SMARCD1: variants seen among roughly 807,000 people sequenced by gnomAD.
SMARCD1 encodes SWI/SNF-related matrix-associated actin-dependent regulator of chromatin subfamily D member 1.
SMARCD1 carries 16 observed loss-of-function variants against 70.8 expected under a neutral mutation model. The observed-to-expected ratio is 0.23, with a 90% CI of 0.15 to 0.34. SMARCD1 has a LOEUF of 0.34. SMARCD1 is among the 10% of genes least tolerant of loss of function. The pLI is 1.00. For synonymous variants in SMARCD1, 249 were observed against 246.0 expected (o/e 1.01, Z -0.11); for missense variants, 409 against 655.5 (o/e 0.62, Z 4.11).
intron 7 of SMARCD1, 102 bp downstream of exon 7, chr12:50,090,087 T>G: frequency 7.6e-7 from 1 of 1,317,454 alleles, no homozygotes; most frequent in Non-Finnish European, 1.1e-6. Context: ...TTTGCCACTT[T>G]GGCACAGAGA....
chr12:50,098,998 T>C lies in SMARCD1; in HGVS notation c.1546T>C (p.Ter516GlnextTer23), dbSNP rs780624422. The stretch of plus-strand genomic sequence containing the variant: ...GCAAGCCCTGGGAATCCGGAATACA[T>C]AGGGCCTCTCCCACAGCCCTGATTC... ...LEQALGIRNT* is the reference protein window; with the variant it reads ...LEQALGIRNTQ Residue 516 changes from the stop codon to glutamine (Q), a stop_lost, in exon 13 of 13, where the codon TAG becomes CAG. Transcript: ENST00000394963. 1.2e-6 allele frequency: 2 copies of C among 1,613,822 alleles called. No individual in the cohort carries two copies. The highest frequency in any genetic ancestry group is 8.5e-7 in the Non-Finnish European group (1 of 1,179,736).
rs1408115534 is a variant in SMARCD1, at chr12:50,099,764, CAGGGATCTCATCTGGGGAACTGTCA to C, written c.*765_*789del. The stretch of plus-strand genomic sequence containing the variant: ...ATCTTGCCTTTCCCTTTCAGAGCCC[CAGGGATCTCATCTGGGGAACTGTCA>C]TTGCCAGCAGAGGCTGTTCCTTCCT... On this transcript the variant is annotated 3_prime_UTR_variant, in exon 13 of 13. Coordinates refer to ENST00000394963, the MANE Select transcript of SMARCD1 (RefSeq NM_003076.5). The C allele has an allele frequency of 1.3e-5, 2 of 157,710 alleles. No individual in the cohort carries two copies. Among genetic ancestry groups the C allele is most frequent in the African/African-American group, 4.8e-5 (2 of 41,666 alleles). 9.8% of individuals were successfully genotyped at this position (157,710 alleles called of 1,614,324 possible). A position where few individuals can be genotyped will look rare whatever the true frequency, so the allele number is the denominator to read the frequency against.
At chr12:50,086,505 T>TGGTG in intron 2 of SMARCD1, 116 bp from the exon 3 acceptor site, 11 of 444,476 alleles carry the variant, frequency 2.5e-5, no homozygotes, top group Non-Finnish European at 3.5e-5. Flanking sequence ...TGGTGGTAGT[T>TGGTG]CTTTGAGAGA....
intron 4 of SMARCD1, among the ~76,000 whole-genome samples, 158 bp from the exon 5 acceptor site, chr12:50,087,205 G>A (rs1950799659): frequency 6.6e-6 from 1 of 152,162 alleles, no homozygotes; most frequent in Non-Finnish European, 1.5e-5. Flanking sequence ...CTGATGGCCA[G>A]TACTCCTCTT....
chr12:50,088,202 T>A (rs1565738629), intron 5 of SMARCD1: 4 of 695,474 alleles, frequency 5.8e-6, no homozygotes, highest in Non-Finnish European at 1.0e-5. Context: ...ATTTCCCCTC[T>A]AGAGTCAGAC....
In SMARCD1 at chr12:50,086,227, G is replaced by A; in HGVS notation, c.244G>A (p.Gly82Arg). ...ACCTTCCATGGGACCCCCTGGCTATGGGGGGAACCCTTCAGTCCGACCTGG... is the reference window on the plus strand; with the variant it reads ...ACCTTCCATGGGACCCCCTGGCTATAGGGGGAACCCTTCAGTCCGACCTGG... ...QGPSMGPPGY[G>R]GNPSVRPGLA... Residue 82 changes from glycine to arginine, a missense_variant, in exon 2 of 13, where the codon GGG becomes AGG. By Grantham distance (125) the Gly-to-Arg change is moderately radical. Coordinates refer to ENST00000394963, the MANE Select transcript of SMARCD1 (RefSeq NM_003076.5). 6.2e-7 allele frequency: 1 copy of A among 1,611,352 alleles called. No homozygotes were observed. The highest frequency in any genetic ancestry group is 8.5e-7 in the Non-Finnish European group (1 of 1,178,284).
chr12:50,088,534 A>G lies in SMARCD1; in HGVS notation c.668A>G (p.Lys223Arg), dbSNP rs1950812732. 6.3e-7 allele frequency: 1 copy of G among 1,597,460 alleles called. No homozygotes were observed. Among genetic ancestry groups the G allele is most frequent in the Non-Finnish European group, 8.6e-7 (1 of 1,168,742 alleles). Residue 223 changes from lysine to arginine, a missense_variant, in exon 6 of 13, where the codon AAA becomes AGA. This residue lies in a region of SMARCD1 where 269 missense variants were observed against 498.6 expected (regional missense o/e 0.54). Transcript: ENST00000394963. ...GRLLEDSALS[K>R]YDATKQKRKF... ...TCTCTCCTCTAGTCAGCCTTGTCCAAATATGATGCCACTAAACAAAAGAGG... is the reference window on the plus strand; with the variant it reads ...TCTCTCCTCTAGTCAGCCTTGTCCAGATATGATGCCACTAAACAAAAGAGG...
chr12:50,086,219 C>G lies in SMARCD1; in HGVS notation c.236C>G (p.Pro79Arg). The change falls in exon 2 of 13, where the codon CCT becomes CGT. Residue 79 changes from proline (P) to arginine (R), a missense_variant. Physicochemically the swap from Pro to Arg is moderately radical, Grantham distance 103. Around this residue, in one of 2 missense-constraint regions of SMARCD1, gnomAD observed 140 missense variants for 156.9 expected, o/e 0.89. Transcript: ENST00000394963. ...MTPQGPSMGP[P>R]GYGGNPSVRP... Reference sequence around the variant, plus strand: ...CCTCAGGGACCTTCCATGGGACCCCCTGGCTATGGGGGGAACCCTTCAGTC... The same window carrying G: ...CCTCAGGGACCTTCCATGGGACCCCGTGGCTATGGGGGGAACCCTTCAGTC... 6.2e-7 allele frequency: 1 copy of G among 1,608,490 alleles called. No homozygotes were observed. Among genetic ancestry groups the G allele is most frequent in the Non-Finnish European group, 8.5e-7 (1 of 1,176,738 alleles).
rs769058585 is a variant in SMARCD1 at position 50,085,471 on chromosome 12, G to A, written c.102G>A (p.Pro34=). The A allele has an allele frequency of 1.6e-6, 2 of 1,239,232 alleles. No individual in the cohort carries two copies. Among genetic ancestry groups the A allele is most frequent in the Non-Finnish European group, 2.0e-6 (2 of 991,940 alleles). The allele number at this position is 1,239,232 out of a possible 1,614,324, so 76.8% of individuals were successfully genotyped here. The part of the protein sequence containing the change: ...AAAALGPGGT[P]GPPVRMGPAP... ...CTGCCTTGGGCCCGGGCGGAACTCC[G>A]GGGCCTCCTGTGCGAATGGGCCCGG... is the stretch of plus-strand genomic sequence containing the variant. Residue 34 remains proline, a synonymous_variant, in exon 1 of 13, where the codon CCG becomes CCA. Coordinates refer to ENST00000394963, the MANE Select transcript of SMARCD1 (RefSeq NM_003076.5).
intron 5 of SMARCD1, chr12:50,088,270 T>C: frequency 1.4e-6 from 1 of 702,608 alleles, no homozygotes; most frequent in Non-Finnish European, 2.6e-6. Context: ...TTGCCTCATT[T>C]CCCTTGGGCA....
chr12:50,093,600 C>T (rs544872179), intron 9 of SMARCD1, among the ~76,000 whole-genome samples: 3 of 152,126 alleles, frequency 2.0e-5, no homozygotes, highest in Admixed American at 6.5e-5. Context: ...CCTCCCACCT[C>T]GCCTCCTGAG....
At chr12:50,093,745 G>A (rs1014349204) in intron 9 of SMARCD1, among the ~76,000 whole-genome samples, 2 of 152,098 alleles carry the variant, frequency 1.3e-5, no homozygotes, top group African/African-American at 4.8e-5. Context: ...GCCTCCCAAA[G>A]TGTTAGGATT....
Position 50,099,186 on chromosome 12 carries a change from C to A in SMARCD1, c.*186C>A. 1 of 629,450 alleles carries A rather than the reference C, an allele frequency of 1.6e-6. No individual in the cohort carries two copies. The highest frequency in any genetic ancestry group is 2.8e-6 in the Non-Finnish European group (1 of 354,272). 39.0% of individuals were successfully genotyped at this position (629,450 alleles called of 1,614,324 possible). Reference sequence around the variant, plus strand: ...ATCCTCTTCTTTCACCCTATCTCTTCCCACCCCCAGCTTCCCTTTGCCCCA... The same window carrying A: ...ATCCTCTTCTTTCACCCTATCTCTTACCACCCCCAGCTTCCCTTTGCCCCA... On this transcript the variant is annotated 3_prime_UTR_variant, in exon 13 of 13. Coordinates refer to ENST00000394963, the MANE Select transcript of SMARCD1 (RefSeq NM_003076.5).
chr12:50,088,254 C>T lies in SMARCD1; in HGVS notation c.655-267C>T, dbSNP rs538367476. The T allele has an allele frequency of 1.6e-4, 113 of 702,382 alleles. No homozygotes were observed. Among genetic ancestry groups the T allele is most frequent in the Non-Finnish European group, 2.3e-4 (88 of 384,828 alleles). The allele number at this position is 702,382 out of a possible 1,614,324, so 43.5% of individuals were successfully genotyped here. ...TCGCTTAGTTATGTGCAATGGTTTG[C>T]TTAACTTGCCTCATTTCCCTTGGGC... On this transcript the variant is annotated intron_variant, in intron 5 of 12. Transcript: ENST00000394963.
intron 9 of SMARCD1, among the ~76,000 whole-genome samples, chr12:50,092,405 G>A (rs1950853599): frequency 6.6e-6 from 1 of 151,096 alleles, no homozygotes; most frequent in Admixed American, 6.6e-5. Context: ...TTGTATTTTA[G>A]TAGAGACGGG....
Position 50,099,212 on chromosome 12 carries a change from C to T in SMARCD1, c.*212C>T, listed in dbSNP as rs1271635456. 2 of 618,768 alleles carry T rather than the reference C, an allele frequency of 3.2e-6. No individual in the cohort carries two copies. Among genetic ancestry groups the T allele is most frequent in the African/African-American group, 3.7e-5 (2 of 54,294 alleles). The allele number at this position is 618,768 out of a possible 1,614,324, so 38.3% of individuals were successfully genotyped here. A position where few individuals can be genotyped will look rare whatever the true frequency, so the allele number is the denominator to read the frequency against. On this transcript the variant is annotated 3_prime_UTR_variant, in exon 13 of 13. Transcript: ENST00000394963. ...CCACCCCCAGCTTCCCTTTGCCCCA[C>T]AAAGTTCCCATGTGCCTGTACCCTC...
chr12:50,090,665 T>A, intron 9 of SMARCD1, 75 bp downstream of exon 9: 2 of 1,107,184 alleles, frequency 1.8e-6, no homozygotes, highest in Non-Finnish European at 2.7e-6. Context: ...TTGTCAAATT[T>A]TCAGGAATTT....
chr12:50,090,504 T>G lies in SMARCD1; in HGVS notation c.1047T>G (p.Ser349=), dbSNP rs1340052399. Residue 349 remains serine, a synonymous_variant, in exon 9 of 13, where the codon TCT becomes TCG. Coordinates refer to ENST00000394963, the MANE Select transcript of SMARCD1 (RefSeq NM_003076.5). Reference sequence around the variant, plus strand: ...CCCCTTTGCTACAGATCTTTGAGTCTCAACGTATGAAGTTTTCAGAGATCC... The same window carrying G: ...CCCCTTTGCTACAGATCTTTGAGTCGCAACGTATGAAGTTTTCAGAGATCC... The part of the protein sequence containing the change: ...CDKYLQQIFE[S]QRMKFSEIPQ... The G allele has an allele frequency of 6.2e-7, 1 of 1,614,090 alleles. No individual in the cohort carries two copies. The highest frequency in any genetic ancestry group is 8.5e-7 in the Non-Finnish European group (1 of 1,179,928).
intron 10 of SMARCD1, among the ~76,000 whole-genome samples, chr12:50,094,919 TC>T (rs1950879496): frequency 2.0e-5 from 3 of 152,162 alleles, no homozygotes; most frequent in Non-Finnish European, 4.4e-5. Context: ...TGCCTCAGCC[TC>T]CCAAGTAGCT....
Sources: gnomAD v4.1 joint callset for allele counts (sites outside exome capture counted in the v4.1 genomes callset) on GRCh38, gnomAD v4.1.1 for gene constraint, gnomAD v4.1.1 regional missense constraint, MANE v1.5 for transcripts, NCBI Gene and HGNC (gene_info 2026-07-23, HGNC 2026-07-21) for gene names.